Variants in UNC5A observed in about 807,000 individuals in gnomAD.
The protein encoded by UNC5A is unc-5 netrin receptor A.
UNC5A carries 20 observed loss-of-function variants against 87.4 expected under a neutral mutation model. That is an observed-to-expected ratio of 0.23 (90% CI 0.16 to 0.33). The LOEUF is 0.33. Ranked by LOEUF, UNC5A falls within the 10% of genes least tolerant of loss-of-function variation. The pLI, the probability that UNC5A is intolerant of heterozygous loss-of-function variation, is 1.00. For missense variants in UNC5A, 844 were observed against 1,133.4 expected (o/e 0.74, Z 3.67); for synonymous variants, 438 against 482.3 (o/e 0.91, Z 1.20).
At chr5:176,859,694 A>G (rs111924912) in intron 1 of UNC5A, among the ~76,000 whole-genome samples, 198 of 93,600 alleles carry the variant, frequency 2.1e-3, no homozygotes, top group African/African-American at 6.4e-3. Flanking sequence ...TAGAGGGCAT[A>G]GCTGCTAGAA....
At chr5:176,819,465 A>G (rs1756675873) in intron 1 of UNC5A, among the ~76,000 whole-genome samples, 1 of 152,166 alleles carries the variant, frequency 6.6e-6, no homozygotes, top group Non-Finnish European at 1.5e-5. Context: ...TCCAGGGAGA[A>G]CAGTATGGCC....
intron 1 of UNC5A, among the ~76,000 whole-genome samples, chr5:176,862,197 C>G (rs756631648): frequency 6.6e-6 from 1 of 152,216 alleles, no homozygotes; most frequent in Non-Finnish European, 1.5e-5. Flanking sequence ...GCCCCAGAGG[C>G]GGCCACTGGC....
intron 1 of UNC5A, among the ~76,000 whole-genome samples, chr5:176,861,530 C>T (rs1376530992): frequency 2.0e-5 from 3 of 152,192 alleles, no homozygotes; most frequent in Admixed American, 6.5e-5. Flanking sequence ...GTGGGCCAGG[C>T]GTATGTGCCC....
chr5:176,844,919 G>A lies in UNC5A; in HGVS notation c.71-17705G>A, dbSNP rs1412962668. ...GTTCCACACTTGGGTCTGCAGCAGG[G>A]TGGGTTGGTGGCTCGCAGCTTGCCG... is the stretch of plus-strand genomic sequence containing the variant. On this transcript the variant is annotated intron_variant, in intron 1 of 14. Coordinates refer to ENST00000329542, the MANE Select transcript of UNC5A (RefSeq NM_133369.3). The surrounding 1 kb of genome is among the most constrained non-coding windows in gnomAD (Gnocchi z 4.2). Among the ~76,000 whole-genome samples the A allele has an allele frequency of 3.3e-4, 50 of 152,192 alleles. No individual in the cohort carries two copies. The highest frequency in any genetic ancestry group is 3.3e-3 in the Admixed American group (50 of 15,288).
At chr5:176,870,637 G>C in intron 6 of UNC5A, 103 bp downstream of exon 6, 1 of 1,336,602 alleles carries the variant, frequency 7.5e-7, no homozygotes, top group South Asian at 1.5e-5. Context: ...GCCAAAGGCT[G>C]TAGCCTCTCC....
At chr5:176,829,942 T>G (rs1266063669) in intron 1 of UNC5A, among the ~76,000 whole-genome samples, 1 of 145,942 alleles carries the variant, frequency 6.9e-6, no homozygotes, top group African/African-American at 2.5e-5. Context: ...TGGCGTGATC[T>G]CGGCTCACTG....
intron 1 of UNC5A, among the ~76,000 whole-genome samples, chr5:176,840,859 C>T (rs543283212): frequency 6.6e-6 from 1 of 152,370 alleles, no homozygotes; most frequent in Admixed American, 6.5e-5. Flanking sequence ...TTCTGTGCCA[C>T]CCTGCCCCGC....
At chr5:176,843,912 G>A (rs1757340200) in intron 1 of UNC5A, among the ~76,000 whole-genome samples, 1 of 152,286 alleles carries the variant, frequency 6.6e-6, no homozygotes, top group African/African-American at 2.4e-5. Context: ...CTGCTCCCTG[G>A]AGTCTGCTTT....
intron 3 of UNC5A, 63 bp from the exon 4 acceptor site, chr5:176,868,498 A>G (rs991788270): frequency 1.0e-5 from 16 of 1,529,438 alleles, no homozygotes; most frequent in African/African-American, 1.4e-5. Flanking sequence ...CAAGGGACAC[A>G]GCCAGCCAGG....
chr5:176,846,564 C>T (rs1011449330), intron 1 of UNC5A, among the ~76,000 whole-genome samples: 3 of 152,082 alleles, frequency 2.0e-5, no homozygotes, highest in Non-Finnish European at 4.4e-5. Context: ...CCAGATCGGG[C>T]CCCCCAGTTA....
intron 1 of UNC5A, among the ~76,000 whole-genome samples, chr5:176,818,048 C>G (rs1756637534): frequency 6.6e-6 from 1 of 152,086 alleles, no homozygotes; most frequent in Admixed American, 6.5e-5. Flanking sequence ...GTCCAGCCTC[C>G]GGGCACCGCC....
chr5:176,868,819 G>C lies in UNC5A; in HGVS notation c.576G>C (p.Pro192=). 1 of 1,608,356 alleles carries C rather than the reference G, an allele frequency of 6.2e-7. No individual in the cohort carries two copies. Among genetic ancestry groups the C allele is most frequent in the Non-Finnish European group, 8.5e-7 (1 of 1,176,232 alleles). ...TCCGGAACGAGGACCTGGTGGACCC[G>C]TCCCTGGACCCCAATGTATACATCA... ...EWLRNEDLVD[P]SLDPNVYITR... The change falls in exon 5 of 15, where the codon CCG becomes CCC. Residue 192 remains proline (P), a synonymous_variant. Coordinates refer to ENST00000329542, the MANE Select transcript of UNC5A (RefSeq NM_133369.3).
chr5:176,859,158 A>G (rs1284500657), intron 1 of UNC5A, among the ~76,000 whole-genome samples: 2 of 102,926 alleles, frequency 1.9e-5, no homozygotes, highest in East Asian at 4.9e-4. Context: ...CATAGCTGCT[A>G]CAATGTCCTT....
At chr5:176,852,375 C>A (rs185725138) in intron 1 of UNC5A, among the ~76,000 whole-genome samples, 2,171 of 139,664 alleles carry the variant, frequency 0.016, 23 homozygotes, top group Non-Finnish European at 0.021. Flanking sequence ...CACACAGAAG[C>A]ACACACACAC....
At chr5:176,812,994 C>T (rs1210537810) in intron 1 of UNC5A, among the ~76,000 whole-genome samples, 3 of 152,190 alleles carry the variant, frequency 2.0e-5, no homozygotes, top group East Asian at 1.9e-4. Flanking sequence ...GGATGGCCAG[C>T]GGGCAGCAGG....
chr5:176,869,818 C>T lies in UNC5A; in HGVS notation c.722-552C>T, dbSNP rs956279904. 8.6e-6 allele frequency: 5 copies of T among 583,112 alleles called. No individual in the cohort carries two copies. Among genetic ancestry groups the T allele is most frequent in the Non-Finnish European group, 1.5e-5 (5 of 323,636 alleles). The allele number at this position is 583,112 out of a possible 1,614,324, so 36.1% of individuals were successfully genotyped here. On this transcript the variant is annotated intron_variant, in intron 5 of 14. Coordinates refer to ENST00000329542, the MANE Select transcript of UNC5A (RefSeq NM_133369.3). This position sits in a 1 kb window ranked among gnomAD's most constrained non-coding sequence, Gnocchi z 9.1. ...CACCGCCTCCCGCATCGTTCCTCAC[C>T]ACGCCATCTCCGTGCCCTGGCTCCA...
chr5:176,874,739 G>A lies in UNC5A; in HGVS notation c.1378+173G>A, dbSNP rs1024041660. Among the ~76,000 whole-genome samples, 1 of 152,224 alleles carries A rather than the reference G, an allele frequency of 6.6e-6. No homozygotes were observed. The highest frequency in any genetic ancestry group is 1.5e-5 in the Non-Finnish European group (1 of 68,034). ...TGGCACCGAGGCCGTGGCCAGAGCT[G>A]TCTTCCTCTTGTTGCCTGTGGGCAC... On this transcript the variant is annotated intron_variant, in intron 8 of 14. Coordinates refer to ENST00000329542, the MANE Select transcript of UNC5A (RefSeq NM_133369.3). This position sits in a 1 kb window ranked among gnomAD's most constrained non-coding sequence, Gnocchi z 7.6.
chr5:176,878,430 T>C (rs1452143697), intron 12 of UNC5A, 37 bp downstream of exon 12: 1 of 1,612,310 alleles, frequency 6.2e-7, no homozygotes, highest in Non-Finnish European at 8.5e-7. Flanking sequence ...ACAAGAGGCC[T>C]GGAGCTTGGG....
At chr5:176,812,824 C>A (rs916260504) in intron 1 of UNC5A, among the ~76,000 whole-genome samples, 1 of 152,174 alleles carries the variant, frequency 6.6e-6, no homozygotes, top group African/African-American at 2.4e-5. Context: ...GCTGGCCCTA[C>A]TTCTTTGGGA....
Sources: allele counts gnomAD v4.1 joint callset (sites outside exome capture counted in the v4.1 genomes callset), GRCh38; gene constraint gnomAD v4.1.1; non-coding constraint Gnocchi (gnomAD v3.1); transcripts MANE v1.5; gene names NCBI Gene and HGNC (gene_info 2026-07-23, HGNC 2026-07-21).